COL19A1: variants seen among roughly 807,000 people sequenced by gnomAD.
The protein encoded by COL19A1 is collagen alpha-1(XIX) chain.
In COL19A1, 159 loss-of-function variants were observed where a neutral mutation model predicts 190.2. The observed-to-expected ratio is 0.84, with a 90% CI of 0.73 to 0.95. The LOEUF is 0.95. Among genes scored for constraint, COL19A1 ranks in the 40% least tolerant of loss-of-function variants. The pLI is 0.00. For missense variants in COL19A1, 1,418 were observed against 1,431.9 expected (o/e 0.99, Z 0.16); for synonymous variants, 509 against 458.9 (o/e 1.11, Z -1.39).
chr6:70,097,358 T>C (rs1042915934), intron 15 of COL19A1, among the ~76,000 whole-genome samples: 4 of 152,162 alleles, frequency 2.6e-5, no homozygotes, highest in African/African-American at 7.2e-5. Flanking sequence ...ATCCATGCTG[T>C]TGCATGGGCC....
chr6:69,917,020 G>A (rs1771352035), intron 4 of COL19A1, among the ~76,000 whole-genome samples: 1 of 152,150 alleles, frequency 6.6e-6, no homozygotes, highest in Non-Finnish European at 1.5e-5. Flanking sequence ...TACTATCAAA[G>A]TCCCTTTCAG....
chr6:70,197,091 G>A (rs1237090551), intron 48 of COL19A1, among the ~76,000 whole-genome samples: 3 of 151,900 alleles, frequency 2.0e-5, no homozygotes, highest in South Asian at 2.1e-4. Context: ...TTTGTGTTTC[G>A]ACATTGAAGG....
At chr6:70,006,072 C>A (rs1447327313) in intron 11 of COL19A1, among the ~76,000 whole-genome samples, 4 of 152,128 alleles carry the variant, frequency 2.6e-5, no homozygotes, top group African/African-American at 9.7e-5. Flanking sequence ...AAGCCCTTCC[C>A]CCACCCAAGG....
At chr6:70,105,178 GA>G (rs1157903989) in intron 16 of COL19A1, among the ~76,000 whole-genome samples, 1 of 152,038 alleles carries the variant, frequency 6.6e-6, no homozygotes, top group Non-Finnish European at 1.5e-5. Flanking sequence ...GAAAAATTAG[GA>G]AAAAATCTAT....
chr6:70,107,855 T>C (rs186629069), intron 16 of COL19A1, among the ~76,000 whole-genome samples: 37 of 152,300 alleles, frequency 2.4e-4, no homozygotes, highest in Admixed American at 6.5e-4. Context: ...TCCTTTACCA[T>C]CTGAGCTGTT....
chr6:70,119,643 C>T (rs1422036378), intron 16 of COL19A1, among the ~76,000 whole-genome samples: 2 of 152,126 alleles, frequency 1.3e-5, no homozygotes, highest in Non-Finnish European at 2.9e-5. Context: ...CTGCCACTTA[C>T]CAGTGGTGTG....
rs974141464 is a variant in COL19A1, at chr6:70,010,631, C to T, written c.1027-12996C>T. ...CCTGGAAAATAGGGTCACTCCCACCCGAATATTGCGCTTTTCAGACCGGCT... is the reference window on the plus strand; with the variant it reads ...CCTGGAAAATAGGGTCACTCCCACCTGAATATTGCGCTTTTCAGACCGGCT... On this transcript the variant is annotated intron_variant, in intron 11 of 50. Coordinates refer to ENST00000620364, the MANE Select transcript of COL19A1 (RefSeq NM_001858.6). Among the ~76,000 whole-genome samples the T allele has an allele frequency of 5.0e-5, 7 of 139,706 alleles. 1 individual carries two copies. The highest frequency in any genetic ancestry group is 2.3e-4 in the South Asian group (1 of 4,392). The allele number at this position is 139,706 out of a possible 152,430, so 91.7% of individuals were successfully genotyped here.
chr6:69,987,615 A>T (rs1265133337), intron 11 of COL19A1, among the ~76,000 whole-genome samples: 1 of 152,200 alleles, frequency 6.6e-6, no homozygotes, highest in African/African-American at 2.4e-5. Context: ...CAAATGTGAA[A>T]GACATAAGCA....
intron 11 of COL19A1, among the ~76,000 whole-genome samples, chr6:70,017,981 A>G (rs1562089827): frequency 6.6e-6 from 1 of 152,136 alleles, no homozygotes; most frequent in African/African-American, 2.4e-5. Context: ...CTGAAAAAGG[A>G]AGGATTTCCT....
chr6:69,998,901 T>A (rs1777083135), intron 11 of COL19A1, among the ~76,000 whole-genome samples: 1 of 152,128 alleles, frequency 6.6e-6, no homozygotes, highest in Non-Finnish European at 1.5e-5. Context: ...CAGACATGAG[T>A]ACGTTTCACT....
intron 34 of COL19A1, among the ~76,000 whole-genome samples, chr6:70,159,828 T>C (rs1213493075): frequency 1.3e-5 from 2 of 152,240 alleles, no homozygotes; most frequent in Non-Finnish European, 1.5e-5. Flanking sequence ...CAAAGAATGG[T>C]ATGGCAATCC....
intron 44 of COL19A1, among the ~76,000 whole-genome samples, 181 bp from the exon 45 acceptor site, chr6:70,184,522 G>A (rs1295753095): frequency 1.1e-5 from 1 of 92,322 alleles, no homozygotes; most frequent in East Asian, 3.1e-4. Flanking sequence ...GTAAGTGACA[G>A]TGTCAGAATC....
chr6:70,124,767 G>A (rs1432741368), intron 17 of COL19A1, among the ~76,000 whole-genome samples: 2 of 152,174 alleles, frequency 1.3e-5, no homozygotes, highest in Non-Finnish European at 2.9e-5. Flanking sequence ...ACAGAAAGGA[G>A]TATAGCTGTT....
At chr6:69,966,041 A>G (rs1456550599) in intron 11 of COL19A1, among the ~76,000 whole-genome samples, 1 of 152,230 alleles carries the variant, frequency 6.6e-6, no homozygotes, top group Non-Finnish European at 1.5e-5. Flanking sequence ...AGTTATCCCC[A>G]TACTATCTGT....
chr6:70,086,687 C>T (rs1318639636), intron 15 of COL19A1, among the ~76,000 whole-genome samples: 2 of 152,130 alleles, frequency 1.3e-5, no homozygotes, highest in East Asian at 3.8e-4. Flanking sequence ...AAAACATCAC[C>T]AGATCTTAAA....
Position 69,932,789 on chromosome 6 carries a change from C to A in COL19A1, c.673C>A (p.Leu225Ile). 4.4e-6 allele frequency: 7 copies of A among 1,593,530 alleles called. No individual in the cohort carries two copies. The highest frequency in any genetic ancestry group is 6.0e-6 in the Non-Finnish European group (7 of 1,166,802). Residue 225 changes from leucine (L) to isoleucine (I), a missense_variant, in exon 7 of 51, where the codon CTT (leucine) becomes ATT (isoleucine). Leu to Ile is a conservative substitution (Grantham distance 5). Transcript: ENST00000620364. ...ASDGKPVDIE[L>I]HQLKIYCSAN... ...ATTACTAATTTTTTCATAGATTGAA[C>A]TTCACCAACTTAAAATCTACTGCAG...
chr6:69,923,422 A>G (rs1444441184), intron 4 of COL19A1, among the ~76,000 whole-genome samples: 1 of 151,986 alleles, frequency 6.6e-6, no homozygotes, highest in Non-Finnish European at 1.5e-5. Flanking sequence ...GGGAATTGCC[A>G]TTATTTTTCC....
chr6:70,137,535 T>A, intron 18 of COL19A1, 150 bp from the exon 19 acceptor site: 1 of 673,160 alleles, frequency 1.5e-6, no homozygotes, highest in Non-Finnish European at 2.5e-6. Context: ...AAAAATAGCC[T>A]AAGTAGATTC....
chr6:70,155,902 G>A (rs1256478722), intron 31 of COL19A1, among the ~76,000 whole-genome samples: 2 of 152,006 alleles, frequency 1.3e-5, no homozygotes, highest in African/African-American at 4.8e-5. Flanking sequence ...AAAAATAAAA[G>A]TTCATCAATA....
Sources: allele counts gnomAD v4.1 joint callset (sites outside exome capture counted in the v4.1 genomes callset), GRCh38; gene constraint gnomAD v4.1.1; transcripts MANE v1.5; gene names NCBI Gene and HGNC (gene_info 2026-07-23, HGNC 2026-07-21).